SMARCD3: variants seen among roughly 807,000 people sequenced by gnomAD.
SMARCD3 encodes the protein SWI/SNF related BAF chromatin remodeling complex subunit D3.
A neutral mutation model predicts 58.0 loss-of-function variants in SMARCD3; 14 were observed. That is an observed-to-expected ratio of 0.24 (90% CI 0.16 to 0.38). SMARCD3 has a LOEUF of 0.38. Among genes scored for constraint, SMARCD3 ranks in the 10% least tolerant of loss-of-function variants. The probability of loss-of-function intolerance (pLI) is 1.00; values close to 1 mark genes in which losing one functional copy is unlikely to be tolerated. For synonymous variants in SMARCD3, 253 were observed against 253.8 expected (o/e 1.00, Z 0.03); for missense variants, 408 against 636.9 (o/e 0.64, Z 3.87).
upstream of SMARCD3, among the ~76,000 whole-genome samples, chr7:151,252,237 G>T (rs1470469832): frequency 1.3e-5 from 2 of 152,158 alleles, no homozygotes; most frequent in African/African-American, 2.4e-5. Context: ...GGGGCTGGAA[G>T]GAGAGAAGAG....
intron 2 of SMARCD3, among the ~76,000 whole-genome samples, chr7:151,269,961 G>A (rs3789820): frequency 0.38 from 56,930 of 151,788 alleles, 12,082 homozygotes; most frequent in African/African-American, 0.58. Flanking sequence ...CCAAGTGTGG[G>A]CCATGGCCTT....
chr7:151,269,311 C>T lies in SMARCD3; in HGVS notation c.39+5803G>A, dbSNP rs547735101. ...CTACTTAGGCCCCCACGGGGGACAC[C>T]TTCCGACCCACCAGCACCTCCTTCA... On this transcript the variant is annotated intron_variant, in intron 2 of 13. Transcript: ENST00000356800. Among the ~76,000 whole-genome samples, 16 of 152,292 alleles carry T rather than the reference C, an allele frequency of 1.1e-4. No homozygotes were observed. The East Asian group carries it at 2.7e-3, about 26-fold the overall frequency.
chr7:151,242,854 A>G lies in SMARCD3; in HGVS notation c.334-11T>C, dbSNP rs1368380189. 1 of 1,613,936 alleles carries G rather than the reference A, an allele frequency of 6.2e-7. No individual in the cohort carries two copies. The highest frequency in any genetic ancestry group is 8.5e-7 in the Non-Finnish European group (1 of 1,179,964). On this transcript the variant is annotated splice_polypyrimidine_tract_variant and intron_variant, in intron 3 of 12. Transcript: ENST00000262188. The surrounding 1 kb of genome is among the most constrained non-coding windows in gnomAD (Gnocchi z 4.7). ...GACCAGCTCCCGAATCTGGAGAAGG[A>G]GGAGCAGGGCAGGAGTCAGAGGCTC...
intron 2 of SMARCD3, among the ~76,000 whole-genome samples, chr7:151,244,005 G>A (rs1023057260): frequency 2.6e-5 from 4 of 152,218 alleles, no homozygotes; most frequent in Admixed American, 1.3e-4. Flanking sequence ...CAAAAGATGC[G>A]AGCTGCAGAA....
chr7:151,258,235 A>G (rs1292639982), intron 2 of SMARCD3, among the ~76,000 whole-genome samples: 1 of 152,036 alleles, frequency 6.6e-6, no homozygotes, highest in Admixed American at 6.6e-5. Flanking sequence ...CCTCACCCCA[A>G]CAGTCTGTTC....
intron 2 of SMARCD3, among the ~76,000 whole-genome samples, chr7:151,244,635 T>C (rs219231): frequency 0.94 from 143,545 of 152,294 alleles, 67,704 homozygotes; most frequent in African/African-American, 0.97. Flanking sequence ...TACCATTTGC[T>C]GTACAAAATG....
chr7:151,250,734 T>C (rs1174124677), upstream of SMARCD3, among the ~76,000 whole-genome samples: 1 of 152,092 alleles, frequency 6.6e-6, no homozygotes, highest in Non-Finnish European at 1.5e-5. Context: ...GACATTAGCT[T>C]TGCTTTCCCA....
At chr7:151,268,384 A>G (rs1349580505) in intron 2 of SMARCD3, among the ~76,000 whole-genome samples, 1 of 152,184 alleles carries the variant, frequency 6.6e-6, no homozygotes, top group Non-Finnish European at 1.5e-5. Flanking sequence ...TCTCCTCCCC[A>G]TTCCCTATTT....
intron 1 of SMARCD3, among the ~76,000 whole-genome samples, chr7:151,247,004 G>T (rs1473103342): frequency 6.6e-6 from 1 of 152,062 alleles, no homozygotes; most frequent in African/African-American, 2.4e-5. Flanking sequence ...GGTCCTCCAG[G>T]CTCTGTGTCT....
Position 151,241,674 on chromosome 7 carries a change from AAGTT to A in SMARCD3, c.778-25_778-22del, listed in dbSNP as rs769713833. On this transcript the variant is annotated intron_variant, in intron 7 of 12. Coordinates refer to ENST00000262188, the MANE Select transcript of SMARCD3 (RefSeq NM_001003801.2). The surrounding 1 kb of genome is among the most constrained non-coding windows in gnomAD (Gnocchi z 5.3). ...GGAGGCTGGGAAAAGGGGACTGTGAAAGTTAGACCAAAGGGAGAGAAAGGAAGGA... is the reference window on the plus strand; with the variant it reads ...GGAGGCTGGGAAAAGGGGACTGTGAAAGACCAAAGGGAGAGAAAGGAAGGA... 72 of 1,603,066 alleles carry A rather than the reference AAGTT, an allele frequency of 4.5e-5. No individual in the cohort carries two copies. Among genetic ancestry groups the A allele is most frequent in the Non-Finnish European group, 5.8e-5 (68 of 1,174,004 alleles).
chr7:151,264,605 T>C (rs536818420), intron 2 of SMARCD3, among the ~76,000 whole-genome samples: 1 of 152,266 alleles, frequency 6.6e-6, no homozygotes, highest in South Asian at 2.1e-4. Context: ...AATCACCCCC[T>C]GAAGACCTAA....
In SMARCD3 at chr7:151,239,793, G is replaced by A; in HGVS notation, c.1174-47C>T. On this transcript the variant is annotated intron_variant, in intron 10 of 12. Coordinates refer to ENST00000262188, the MANE Select transcript of SMARCD3 (RefSeq NM_001003801.2). This position sits in a 1 kb window ranked among gnomAD's most constrained non-coding sequence, Gnocchi z 7.0. ...CTTTCCACCTGGCTTTGGTGATGTG[G>A]GAGACGAGGGGAAAGGAAGCGGGTG... 1 of 1,606,854 alleles carries A rather than the reference G, an allele frequency of 6.2e-7. No individual in the cohort carries two copies. The highest frequency in any genetic ancestry group is 8.5e-7 in the Non-Finnish European group (1 of 1,174,724).
At chr7:151,247,634 G>A (rs560083819) in intron 1 of SMARCD3, among the ~76,000 whole-genome samples, 1 of 152,176 alleles carries the variant, frequency 6.6e-6, no homozygotes, top group South Asian at 2.1e-4. Flanking sequence ...CCTCTACACA[G>A]GGCCTCCACT....
In SMARCD3 at chr7:151,239,800, A is replaced by AG; in HGVS notation, c.1174-55dup. 7.6e-7 allele frequency: 1 copy of AG among 1,314,668 alleles called. No homozygotes were observed. Among genetic ancestry groups the AG allele is most frequent in the Non-Finnish European group, 1.1e-6 (1 of 938,722 alleles). The allele number at this position is 1,314,668 out of a possible 1,614,324, so 81.4% of individuals were successfully genotyped here. On this transcript the variant is annotated intron_variant, in intron 10 of 12. Transcript: ENST00000262188. This position sits in a 1 kb window ranked among gnomAD's most constrained non-coding sequence, Gnocchi z 7.0. Reference sequence around the variant, plus strand: ...CCTGGCTTTGGTGATGTGGGAGACGAGGGGAAAGGAAGCGGGTGGGAAGGG... The same window carrying AG: ...CCTGGCTTTGGTGATGTGGGAGACGAGGGGGAAAGGAAGCGGGTGGGAAGGG...
chr7:151,266,173 T>C (rs941872849), intron 2 of SMARCD3, among the ~76,000 whole-genome samples: 7 of 152,152 alleles, frequency 4.6e-5, no homozygotes, highest in African/African-American at 1.4e-4. Context: ...TTTCACCATG[T>C]TGGCCAGGCT....
chr7:151,249,891 T>A (rs1405001138), upstream of SMARCD3, among the ~76,000 whole-genome samples: 1 of 151,934 alleles, frequency 6.6e-6, no homozygotes, highest in African/African-American at 2.4e-5. This position sits in a 1 kb window ranked among gnomAD's most constrained non-coding sequence, Gnocchi z 4.8. Flanking sequence ...GTCCTGGGCC[T>A]ACCCAGGTCC....
Position 151,240,206 on chromosome 7 carries a change from A to G in SMARCD3, c.1079T>C (p.Ile360Thr), listed in dbSNP as rs1413370635. Residue 360 changes from isoleucine (I) to threonine (T), a missense_variant, in exon 10 of 13, where the codon ATT becomes ACT. Around this residue, in one of 4 missense-constraint regions of SMARCD3, gnomAD observed 115 missense variants for 257.2 expected, o/e 0.45. Coordinates refer to ENST00000262188, the MANE Select transcript of SMARCD3 (RefSeq NM_001003801.2). ...SDQKKTACYD[I>T]DVEVEEPLKG... is the part of the protein sequence containing the mutation. ...TAATGGCTCCTCCACCTCCACGTCAATGTCATAGCACGCCGTCTTCTTCTG... is the reference window on the plus strand; with the variant it reads ...TAATGGCTCCTCCACCTCCACGTCAGTGTCATAGCACGCCGTCTTCTTCTG... 4.3e-6 allele frequency: 7 copies of G among 1,613,968 alleles called. No individual in the cohort carries two copies. Among genetic ancestry groups the G allele is most frequent in the African/African-American group, 2.7e-5 (2 of 74,898 alleles).
intron 2 of SMARCD3, among the ~76,000 whole-genome samples, chr7:151,244,158 T>C (rs950780860): frequency 6.6e-6 from 1 of 152,080 alleles, no homozygotes; most frequent in Admixed American, 6.5e-5. Context: ...TTCCTATCCA[T>C]GGAGCGGGAG....
At chr7:151,274,621 G>A (rs1397962272) in intron 2 of SMARCD3, among the ~76,000 whole-genome samples, 1 of 152,246 alleles carries the variant, frequency 6.6e-6, no homozygotes, top group Non-Finnish European at 1.5e-5. Context: ...CTGAGCACAA[G>A]TTGTGCCAAG....
Sources: allele counts gnomAD v4.1 joint callset (sites outside exome capture counted in the v4.1 genomes callset), GRCh38; gene constraint gnomAD v4.1.1; regional missense constraint gnomAD v4.1.1; non-coding constraint Gnocchi (gnomAD v3.1); transcripts MANE v1.5; gene names NCBI Gene and HGNC (gene_info 2026-07-23, HGNC 2026-07-21).